The following CTNNA3 variants were observed in gnomAD, a reference collection of about 807,000 sequenced individuals.
The protein encoded by CTNNA3 is catenin alpha-3.
In CTNNA3, 76 loss-of-function variants were observed where a neutral mutation model predicts 95.7. The observed-to-expected ratio is 0.79, with a 90% CI of 0.66 to 0.96. CTNNA3 has a LOEUF of 0.96. CTNNA3 is among the 40% of genes least tolerant of loss of function. CTNNA3 has a pLI of 0.00. For missense variants in CTNNA3, 1,191 were observed against 1,089.8 expected (o/e 1.09, Z -1.31); for synonymous variants, 431 against 374.4 (o/e 1.15, Z -1.74).
At chr10:67,501,463 G>A (rs1448767539) in intron 5 of CTNNA3, among the ~76,000 whole-genome samples, 1 of 152,156 alleles carries the variant, frequency 6.6e-6, no homozygotes, top group Non-Finnish European at 1.5e-5. Context: ...TTCTCGAGAA[G>A]TATCTTTGTG....
chr10:67,544,655 C>T (rs1378559711), intron 3 of CTNNA3, among the ~76,000 whole-genome samples: 1 of 152,144 alleles, frequency 6.6e-6, no homozygotes, highest in African/African-American at 2.4e-5. Flanking sequence ...GAAAGAACCA[C>T]CCAAAAGGAT....
chr10:66,443,033 C>G (rs1390257159), intron 11 of CTNNA3, among the ~76,000 whole-genome samples: 1 of 152,186 alleles, frequency 6.6e-6, no homozygotes, highest in African/African-American at 2.4e-5. Context: ...TCAGAGGGTC[C>G]TATGCCCACA....
At chr10:66,719,361 A>ATGTTACACT (rs1848553851) in intron 9 of CTNNA3, among the ~76,000 whole-genome samples, 2 of 152,304 alleles carry the variant, frequency 1.3e-5, no homozygotes, top group South Asian at 4.1e-4. Context: ...ATGACCACAT[A>ATGTTACACT]TGTTACACTT....
intron 5 of CTNNA3, among the ~76,000 whole-genome samples, chr10:67,464,372 A>T (rs1847499088): frequency 6.6e-6 from 1 of 152,208 alleles, no homozygotes; most frequent in Non-Finnish European, 1.5e-5. Flanking sequence ...ATCCCTTTAG[A>T]TCCCAATTAT....
At chr10:67,323,376 C>T (rs916068084) in intron 5 of CTNNA3, among the ~76,000 whole-genome samples, 3 of 152,094 alleles carry the variant, frequency 2.0e-5, no homozygotes, top group African/African-American at 7.2e-5. Flanking sequence ...TTTAATCCAT[C>T]TTGAGTTGAT....
At chr10:67,619,514 T>G (rs370049021) in intron 2 of CTNNA3, among the ~76,000 whole-genome samples, 15 of 152,252 alleles carry the variant, frequency 9.9e-5, no homozygotes, top group African/African-American at 3.6e-4. Flanking sequence ...ATGAAACTAG[T>G]AGAAGAAAAC....
intron 3 of CTNNA3, among the ~76,000 whole-genome samples, chr10:67,603,714 C>T (rs145778279): frequency 5.3e-4 from 80 of 151,910 alleles, no homozygotes; most frequent in African/African-American, 1.9e-3. Flanking sequence ...AGTATTACTA[C>T]AAAAGAGTCA....
chr10:67,036,142 A>ATTTAT (rs992284000), intron 7 of CTNNA3, among the ~76,000 whole-genome samples: 3 of 151,748 alleles, frequency 2.0e-5, no homozygotes, highest in East Asian at 1.9e-4. Flanking sequence ...TAATTTGGGG[A>ATTTAT]TTTATTTTAT....
intron 9 of CTNNA3, among the ~76,000 whole-genome samples, chr10:66,625,988 T>C (rs10822861): frequency 0.35 from 52,919 of 151,960 alleles, 9,448 homozygotes; most frequent in Middle Eastern, 0.51. Context: ...GGAAAATTTT[T>C]TCAATGACCC....
Position 66,927,457 on chromosome 10 carries a change from C to G in CTNNA3, c.1048-151933G>C. 6.2e-7 allele frequency: 1 copy of G among 1,614,058 alleles called. No individual in the cohort carries two copies. The highest frequency in any genetic ancestry group is 1.1e-5 in the South Asian group (1 of 91,084). On this transcript the variant is annotated intron_variant, in intron 7 of 17. Coordinates refer to ENST00000433211, the MANE Select transcript of CTNNA3 (RefSeq NM_013266.4). The surrounding 1 kb of genome is among the most constrained non-coding windows in gnomAD (Gnocchi z 4.7). The stretch of plus-strand genomic sequence containing the variant: ...CCCTGTGCGAATATTCCAAGACTGC[C>G]GCAACCTGGAACTTTTGGACCTGGG...
chr10:67,629,166 A>C (rs996504220), intron 2 of CTNNA3, among the ~76,000 whole-genome samples: 3 of 152,204 alleles, frequency 2.0e-5, no homozygotes, highest in Admixed American at 1.3e-4. Flanking sequence ...GTTAAAAAAA[A>C]AACAACAACT....
chr10:67,177,901 G>A (rs1419577514), intron 7 of CTNNA3, among the ~76,000 whole-genome samples: 1 of 152,166 alleles, frequency 6.6e-6, no homozygotes, highest in Admixed American at 6.6e-5. Context: ...GATGTGATAT[G>A]TGTTTATTAT....
At chr10:66,039,873 A>T (rs989588446) in intron 15 of CTNNA3, among the ~76,000 whole-genome samples, 1 of 152,148 alleles carries the variant, frequency 6.6e-6, no homozygotes, top group Admixed American at 6.6e-5. Flanking sequence ...AGCAAATGGG[A>T]TCTAACTAAA....
At chr10:67,635,015 C>T (rs1239895846) in intron 2 of CTNNA3, among the ~76,000 whole-genome samples, 1 of 151,996 alleles carries the variant, frequency 6.6e-6, no homozygotes, top group Non-Finnish European at 1.5e-5. Flanking sequence ...ATATTCTTCT[C>T]ATTCACCACA....
At chr10:66,333,801 G>A (rs1278290460) in intron 12 of CTNNA3, among the ~76,000 whole-genome samples, 3 of 151,188 alleles carry the variant, frequency 2.0e-5, no homozygotes, top group African/African-American at 7.3e-5. Flanking sequence ...TTTCTGTCTC[G>A]TTGATCTGTC....
intron 17 of CTNNA3, among the ~76,000 whole-genome samples, chr10:65,952,292 G>T (rs1253674699): frequency 6.6e-6 from 1 of 152,080 alleles, no homozygotes; most frequent in Non-Finnish European, 1.5e-5. Context: ...ATTTTTTGAA[G>T]TATATCCTTT....
chr10:65,932,283 T>C (rs189142439), intron 17 of CTNNA3, among the ~76,000 whole-genome samples: 2 of 152,310 alleles, frequency 1.3e-5, no homozygotes, highest in East Asian at 3.9e-4. Context: ...TCCTGTTTCA[T>C]TGTCATTACT....
At chr10:66,814,034 T>A (rs892284303) in intron 7 of CTNNA3, among the ~76,000 whole-genome samples, 3 of 152,094 alleles carry the variant, frequency 2.0e-5, no homozygotes, top group Non-Finnish European at 4.4e-5. Flanking sequence ...TCAATAAGAC[T>A]GAAGACAAAT....
chr10:67,547,714 G>A (rs1564730670), intron 3 of CTNNA3, among the ~76,000 whole-genome samples: 1 of 152,122 alleles, frequency 6.6e-6, no homozygotes, highest in Non-Finnish European at 1.5e-5. Flanking sequence ...ACCCAAAGGA[G>A]CATAAAAATT....
Sources: gnomAD v4.1 joint callset for allele counts (sites outside exome capture counted in the v4.1 genomes callset) on GRCh38, gnomAD v4.1.1 for gene constraint, Gnocchi (gnomAD v3.1) non-coding constraint, MANE v1.5 for transcripts, NCBI Gene and HGNC (gene_info 2026-07-23, HGNC 2026-07-21) for gene names.